The following ZNF430 variants were observed in gnomAD, a reference collection of about 807,000 sequenced individuals.
The protein encoded by ZNF430 is zinc finger protein 430.
ZNF430 carries 35 observed loss-of-function variants against 56.7 expected under a neutral mutation model. The observed-to-expected ratio is 0.62, with a 90% CI of 0.47 to 0.82. The LOEUF is 0.82. Among genes scored for constraint, ZNF430 ranks in the 40% least tolerant of loss-of-function variants. The pLI is 0.00. For synonymous variants in ZNF430, 212 were observed against 224.3 expected, an observed-to-expected ratio of 0.94 and a Z score of 0.49; for missense variants, 574 against 661.0, an observed-to-expected ratio of 0.87 and a Z score of 1.44.
chr19:21,056,601 G>T (rs779560668), intron 4 of ZNF430, 30 bp from the exon 5 acceptor site: 8 of 1,449,686 alleles, frequency 5.5e-6, no homozygotes, highest in Non-Finnish European at 7.4e-6. Context: ...TCTAGTAAAT[G>T]GAGTAATTTG....
intron 4 of ZNF430, among the ~76,000 whole-genome samples, chr19:21,042,813 T>C (rs937821361): frequency 3.3e-5 from 5 of 151,570 alleles, no homozygotes; most frequent in African/African-American, 1.2e-4. Context: ...TAGAAAAAAA[T>C]AACCACTATT....
Position 21,056,796 on chromosome 19 carries a change from A to C in ZNF430, c.488A>C (p.Asp163Ala), listed in dbSNP as rs773279046. 8 of 1,614,026 alleles carry C rather than the reference A, an allele frequency of 5.0e-6. No homozygotes were observed. In the East Asian group the frequency reaches 1.8e-4, roughly 36 times the overall value. ...DECNLHKECY[D>A]ELNQCLTTTQ... ...TGTAATCTGCACAAAGAATGTTATGATGAACTAAACCAGTGTTTGACAACT... is the reference window on the plus strand; with the variant it reads ...TGTAATCTGCACAAAGAATGTTATGCTGAACTAAACCAGTGTTTGACAACT... Residue 163 changes from aspartate (D) to alanine (A), a missense_variant, in exon 5 of 5, where the codon GAT becomes GCT. By Grantham distance (126) the Asp-to-Ala change is moderately radical. Around this residue, in one of 3 missense-constraint regions of ZNF430, gnomAD observed 346 missense variants for 399.1 expected, o/e 0.87. Coordinates refer to ENST00000261560, the MANE Select transcript of ZNF430 (RefSeq NM_025189.4).
chr19:21,038,607 T>C (rs1005213070), intron 4 of ZNF430, among the ~76,000 whole-genome samples: 1 of 152,062 alleles, frequency 6.6e-6, no homozygotes, highest in Non-Finnish European at 1.5e-5. Flanking sequence ...TTTGTATTTT[T>C]AGTAGAGACG....
intron 4 of ZNF430, among the ~76,000 whole-genome samples, chr19:21,037,239 C>T (rs764881435): frequency 4.0e-5 from 6 of 151,856 alleles, no homozygotes; most frequent in Non-Finnish European, 4.4e-5. Context: ...CTCAGCCTCC[C>T]GAGTAGCTGG....
rs780690206 is a variant in ZNF430, at chr19:21,057,875, A to G, written c.1567A>G (p.Ser523Gly). The change falls in exon 5 of 5, where the codon AGC (serine) becomes GGC (glycine). Residue 523 changes from serine (S) to glycine (G), a missense_variant. Ser to Gly is a moderately conservative substitution (Grantham distance 56). This residue lies in a region of ZNF430 where 213 missense variants were observed against 221.0 expected (regional missense o/e 0.96). Coordinates refer to ENST00000261560, the MANE Select transcript of ZNF430 (RefSeq NM_025189.4). ...YKYLECDKAF[S>G]QSSTLTKHKV... is the part of the protein sequence containing the mutation. The stretch of plus-strand genomic sequence containing the variant: ...ATACCTAGAATGTGATAAAGCCTTT[A>G]GCCAGTCTTCAACTCTTACTAAACA... The G allele has an allele frequency of 5.0e-6, 8 of 1,613,910 alleles. No homozygotes were observed. The highest frequency in any genetic ancestry group is 1.3e-5 in the African/African-American group (1 of 74,920).
rs1458035948 is a variant in ZNF430, at chr19:21,060,019, T to A, written c.*1998T>A. The A allele has an allele frequency of 6.6e-6, 1 of 152,182 alleles. No homozygotes were observed. The highest frequency in any genetic ancestry group is 1.5e-5 in the Non-Finnish European group (1 of 68,030). The allele number at this position is 152,182 out of a possible 1,614,324, so 9.4% of individuals were successfully genotyped here. ...AGTATATTATTGTACTAATTGTACT[T>A]TTGTATAATAAAATCCAGTGTATTT... On this transcript the variant is annotated 3_prime_UTR_variant, in exon 5 of 5. Coordinates refer to ENST00000261560, the MANE Select transcript of ZNF430 (RefSeq NM_025189.4).
chr19:21,034,382 G>A, intron 4 of ZNF430, 198 bp downstream of exon 4: 2 of 438,220 alleles, frequency 4.6e-6, no homozygotes, highest in South Asian at 5.3e-5. Flanking sequence ...CTTTCCCCTT[G>A]GTGATCTCCC....
intron 2 of ZNF430, among the ~76,000 whole-genome samples, chr19:21,024,175 C>T (rs1200094627): frequency 1.3e-5 from 2 of 152,088 alleles, no homozygotes; most frequent in African/African-American, 2.4e-5. Context: ...TCCTAGCCTG[C>T]TCACTCTAGC....
In ZNF430 at chr19:21,059,575, G is replaced by A. The variant is rs923308634; in HGVS notation, c.*1554G>A. 11 of 150,694 alleles carry A rather than the reference G, an allele frequency of 7.3e-5. No homozygotes were observed. Among genetic ancestry groups the A allele is most frequent in the Admixed American group, 1.3e-4 (2 of 15,080 alleles). 9.3% of individuals were successfully genotyped at this position (150,694 alleles called of 1,614,324 possible). A position where few individuals can be genotyped will look rare whatever the true frequency, so the allele number is the denominator to read the frequency against. ...AAAAAAAAAAAAACAACTAAAGTTG[G>A]TAGAAAAATTATTTGTATATAACTT... On this transcript the variant is annotated 3_prime_UTR_variant, in exon 5 of 5. Coordinates refer to ENST00000261560, the MANE Select transcript of ZNF430 (RefSeq NM_025189.4).
At chr19:21,022,923 C>A in intron 2 of ZNF430, 42 bp downstream of exon 2, 1 of 1,409,386 alleles carries the variant, frequency 7.1e-7, no homozygotes, top group Non-Finnish European at 1.0e-6. Flanking sequence ...CCCAACCCAG[C>A]TTTCATTTCT....
chr19:21,051,992 A>T (rs571083045), intron 4 of ZNF430, among the ~76,000 whole-genome samples: 100 of 145,110 alleles, frequency 6.9e-4, no homozygotes, highest in African/African-American at 2.4e-3. Context: ...ATGAGAAATT[A>T]AAAAAAAAAT....
At chr19:21,031,892 T>A (rs895167925) in intron 2 of ZNF430, among the ~76,000 whole-genome samples, 1 of 152,226 alleles carries the variant, frequency 6.6e-6, no homozygotes, top group Non-Finnish European at 1.5e-5. Flanking sequence ...TAAAAAATTC[T>A]TATAATATTC....
chr19:21,033,390 A>C, intron 2 of ZNF430, 66 bp from the exon 3 acceptor site: 1 of 1,542,240 alleles, frequency 6.5e-7, no homozygotes, highest in Non-Finnish European at 8.7e-7. Flanking sequence ...CTTTAATTCA[A>C]ATAATAAATT....
intron 4 of ZNF430, among the ~76,000 whole-genome samples, chr19:21,051,971 T>C (rs1968291811): frequency 6.6e-6 from 1 of 152,012 alleles, no homozygotes; most frequent in Non-Finnish European, 1.5e-5. Context: ...TTCTGTTTCC[T>C]CAAAAATGCA....
chr19:21,020,677 C>G lies in ZNF430; in HGVS notation c.-124C>G, dbSNP rs1426409395. ...CCTTTGTCCCTCGCTGTGGCCTGAG[C>G]TCCAGGTCTCGTCTTCAGCGCTCTG... On this transcript the variant is annotated 5_prime_UTR_variant, in exon 1 of 5. Coordinates refer to ENST00000261560, the MANE Select transcript of ZNF430 (RefSeq NM_025189.4). The G allele has an allele frequency of 4.9e-6, 7 of 1,421,764 alleles. No homozygotes were observed. The highest frequency in any genetic ancestry group is 1.4e-5 in the African/African-American group (1 of 69,728). 88.1% of individuals were successfully genotyped at this position (1,421,764 alleles called of 1,614,324 possible).
In ZNF430 at chr19:21,032,310, T is replaced by C. The variant is rs140825028; in HGVS notation, c.97-1146T>C. ...TAAAAATAACAGAACATGGGAGATA[T>C]CTGTATTTTGAACTTTGTATAAAAC... On this transcript the variant is annotated intron_variant, in intron 2 of 4. Coordinates refer to ENST00000261560, the MANE Select transcript of ZNF430 (RefSeq NM_025189.4). 1.2e-3 allele frequency among the ~76,000 whole-genome samples: 177 copies of C among 152,346 alleles called. 1 individual carries two copies. Among genetic ancestry groups the C allele is most frequent in the Middle Eastern group, 0.01 (3 of 294 alleles).
intron 4 of ZNF430, among the ~76,000 whole-genome samples, chr19:21,050,952 C>T (rs182821728): frequency 1.5e-4 from 23 of 152,086 alleles, no homozygotes; most frequent in African/African-American, 4.3e-4. Flanking sequence ...CACTTGAACC[C>T]GGGAGGTAGA....
At chr19:21,048,808 G>A (rs1478966844) in intron 4 of ZNF430, among the ~76,000 whole-genome samples, 1 of 151,180 alleles carries the variant, frequency 6.6e-6, no homozygotes. Flanking sequence ...GGCCGGGCGG[G>A]TGCTGGCCCC....
chr19:21,036,816 A>G (rs543730034), intron 4 of ZNF430: 3 of 152,116 alleles, frequency 2.0e-5, no homozygotes, highest in Admixed American at 6.5e-5. Context: ...AAAAAAAAAA[A>G]AAACCACAGC....
Sources: allele counts gnomAD v4.1 joint callset (sites outside exome capture counted in the v4.1 genomes callset), GRCh38; gene constraint gnomAD v4.1.1; regional missense constraint gnomAD v4.1.1; transcripts MANE v1.5; gene names NCBI Gene and HGNC (gene_info 2026-07-23, HGNC 2026-07-21).